Variants in PRRG1 observed in about 807,000 individuals in gnomAD.
The protein encoded by PRRG1 is proline rich and Gla domain 1, also known as transmembrane gamma-carboxyglutamic acid protein 1.
In PRRG1, 5 loss-of-function variants were observed where a neutral mutation model predicts 11.8. The ratio of observed to expected loss-of-function variants is 0.42; its 90% CI spans 0.22 to 0.89. PRRG1 has a LOEUF of 0.89. Ranked by LOEUF, PRRG1 falls within the 40% of genes least tolerant of loss-of-function variation. The pLI, the probability that PRRG1 is intolerant of heterozygous loss-of-function variation, is 0.28. For missense variants in PRRG1, 155 were observed against 166.1 expected, an observed-to-expected ratio of 0.93 and a Z score of 0.37; for synonymous variants, 66 against 60.4, an observed-to-expected ratio of 1.09 and a Z score of -0.43.
At chrX:37,369,126 T>G (rs1425920518) in intron 1 of PRRG1, among the ~76,000 whole-genome samples, 1 of 112,137 alleles carries the variant, frequency 8.9e-6, no homozygotes, top group African/African-American at 3.2e-5. Flanking sequence ...CCTTTCTGAT[T>G]TTCTTCATTC....
At chrX:37,418,351 A>G (rs1932560240) in intron 2 of PRRG1, among the ~76,000 whole-genome samples, 2 of 112,119 alleles carry the variant, frequency 1.8e-5, no homozygotes, top group Non-Finnish European at 3.8e-5. Flanking sequence ...AGAGCTTTGC[A>G]TGTTCTATAG....
At chrX:37,442,252 C>T in intron 3 of PRRG1, 1 of 745,232 alleles carries the variant, frequency 1.3e-6, no homozygotes, top group Non-Finnish European at 1.6e-6. Flanking sequence ...TGCGTGCCTA[C>T]AACACTCTCA....
chrX:37,436,261 C>T (rs1309662792), intron 3 of PRRG1, among the ~76,000 whole-genome samples: 7 of 111,680 alleles, frequency 6.3e-5, no homozygotes, highest in African/African-American at 1.6e-4. Flanking sequence ...GCCATTCTGC[C>T]GCCAAGTTGC....
intron 1 of PRRG1, among the ~76,000 whole-genome samples, chrX:37,362,637 G>C (rs782538408): frequency 1.2e-3 from 137 of 111,943 alleles, no homozygotes; most frequent in African/African-American, 4.4e-3. Flanking sequence ...ACTGAGGCTA[G>C]TTTTCTGCCA....
At chrX:37,424,266 C>T in intron 2 of PRRG1, among the ~76,000 whole-genome samples, 1 of 111,229 alleles carries the variant, frequency 9.0e-6, no homozygotes. Flanking sequence ...AAGGAACTCT[C>T]ATTAGGGTAG....
chrX:37,363,387 G>A (rs1288628270), intron 1 of PRRG1, among the ~76,000 whole-genome samples: 3 of 112,171 alleles, frequency 2.7e-5, no homozygotes, highest in Admixed American at 9.4e-5. Flanking sequence ...CATGCATCTA[G>A]CATTATGATC....
chrX:37,408,089 G>A (rs1932235255), intron 2 of PRRG1, among the ~76,000 whole-genome samples: 2 of 111,751 alleles, frequency 1.8e-5, no homozygotes, highest in South Asian at 3.7e-4. Flanking sequence ...GGAATTCTGG[G>A]ACTAATCTGT....
chrX:37,358,096 G>GT (rs56832062), intron 1 of PRRG1, among the ~76,000 whole-genome samples: 45 of 104,986 alleles, frequency 4.3e-4, no homozygotes, highest in Middle Eastern at 5.1e-3. Context: ...TTCAAATCAT[G>GT]TTTTTTTTTT....
intron 2 of PRRG1, among the ~76,000 whole-genome samples, chrX:37,415,134 C>T (rs1237946577): frequency 1.8e-5 from 2 of 112,279 alleles, no homozygotes; most frequent in South Asian, 3.7e-4. Context: ...CGCAGCCAGA[C>T]GCGGTGGCTC....
intron 3 of PRRG1, among the ~76,000 whole-genome samples, chrX:37,448,031 A>G (rs1042985530): frequency 4.1e-4 from 46 of 112,345 alleles, no homozygotes; most frequent in African/African-American, 1.5e-3. Flanking sequence ...TCATTACATC[A>G]GGACAGGTAC....
At chrX:37,396,824 T>C (rs782555101) in intron 1 of PRRG1, among the ~76,000 whole-genome samples, 2 of 112,180 alleles carry the variant, frequency 1.8e-5, no homozygotes, top group South Asian at 7.4e-4. Context: ...ATTGACATTT[T>C]GGACTGGTTA....
chrX:37,405,342 C>T (rs1556381721), intron 1 of PRRG1, among the ~76,000 whole-genome samples: 2 of 111,810 alleles, frequency 1.8e-5, no homozygotes, highest in Admixed American at 9.5e-5. Context: ...AATATTTATT[C>T]CTTATTGGTC....
rs113541265 is a variant in PRRG1 at position 37,441,443 on chromosome X, G to A, written c.172-11693G>A. On this transcript the variant is annotated intron_variant, in intron 3 of 3. Transcript: ENST00000378628. ...CAAATACCCACTTCCGGCCCTTTCC[G>A]CCATTAGCCATCCGCCTTCAGCCAG... is the stretch of plus-strand genomic sequence containing the variant. 8.5e-3 allele frequency: 6,362 copies of A among 752,646 alleles called. 320 individuals are homozygous for A. In the African/African-American group the frequency reaches 0.14, roughly 16 times the overall value. The allele number at this position is 752,646 out of a possible 1,213,427, so 62.0% of individuals were successfully genotyped here.
chrX:37,431,955 T>G (rs1556390337), intron 3 of PRRG1, among the ~76,000 whole-genome samples: 1 of 107,935 alleles, frequency 9.3e-6, no homozygotes, highest in African/African-American at 3.4e-5. Context: ...ATATATATAT[T>G]TAGTAGAGAT....
At position 37,396,518 on chromosome X, in the gene PRRG1, GCTTT is replaced by G. The variant is rs782740879; in HGVS notation, c.-41-9686_-41-9683del. ...TGTAAGGGGGAGTTTCCCTGCACAA[GCTTT>G]CTTTTTTTGCCTGCTGCCAATCATG... is the stretch of plus-strand genomic sequence containing the variant. On this transcript the variant is annotated intron_variant, in intron 1 of 3. Coordinates refer to ENST00000378628, the MANE Select transcript of PRRG1 (RefSeq NM_001142395.2). Among the ~76,000 whole-genome samples the G allele has an allele frequency of 1.2e-4, 13 of 111,298 alleles. No individual in the cohort carries two copies. The South Asian group carries it at 5.1e-3, about 43-fold the overall frequency.
chrX:37,453,802 T>C lies in PRRG1; in HGVS notation c.*181T>C, dbSNP rs1556397525. ...GTTATAGAATCATTATCCATGCTCA[T>C]TTTTGCTAGGGGAAATATATGAAGA... On this transcript the variant is annotated 3_prime_UTR_variant, in exon 4 of 4. Transcript: ENST00000378628. The C allele has an allele frequency of 1.2e-5, 6 of 502,008 alleles. No individual in the cohort carries two copies. The East Asian group carries it at 2.5e-4, about 21-fold the overall frequency. 41.4% of individuals were successfully genotyped at this position (502,008 alleles called of 1,213,427 possible).
intron 2 of PRRG1, among the ~76,000 whole-genome samples, chrX:37,416,161 A>G (rs1041322768): frequency 8.9e-6 from 1 of 112,183 alleles, no homozygotes; most frequent in Non-Finnish European, 1.9e-5. Flanking sequence ...ATCATGCTCT[A>G]TTGTGGGCTG....
At chrX:37,398,584 C>G (rs1931812828) in intron 1 of PRRG1, among the ~76,000 whole-genome samples, 1 of 112,454 alleles carries the variant, frequency 8.9e-6, no homozygotes, top group Non-Finnish European at 1.9e-5. Flanking sequence ...CTTTCCTCCT[C>G]CAAAGGAACG....
intron 3 of PRRG1, among the ~76,000 whole-genome samples, chrX:37,450,696 T>C (rs1414879353): frequency 8.9e-6 from 1 of 111,846 alleles, no homozygotes; most frequent in Non-Finnish European, 1.9e-5. Flanking sequence ...TAAATTGAAA[T>C]AGAGTAAAAG....
Sources: allele counts gnomAD v4.1 joint callset (sites outside exome capture counted in the v4.1 genomes callset), GRCh38; gene constraint gnomAD v4.1.1; transcripts MANE v1.5; gene names NCBI Gene and HGNC (gene_info 2026-07-23, HGNC 2026-07-21).